Variants in HTR2A observed in about 807,000 individuals in gnomAD.
HTR2A encodes the protein 5-hydroxytryptamine receptor 2A.
A neutral mutation model predicts 31.0 loss-of-function variants in HTR2A; 14 were observed. The ratio of observed to expected loss-of-function variants is 0.45; its 90% CI spans 0.30 to 0.71. The LOEUF (loss-of-function observed/expected upper bound fraction) is 0.71, where lower values mean the gene tolerates loss of function less well. Ranked by LOEUF, HTR2A falls within the 30% of genes least tolerant of loss-of-function variation. The probability of loss-of-function intolerance (pLI) is 0.09; values close to 1 mark genes in which losing one functional copy is unlikely to be tolerated. For missense variants in HTR2A, 442 were observed against 573.3 expected (o/e 0.77, Z 2.34); for synonymous variants, 209 against 225.2 (o/e 0.93, Z 0.64).
intron 2 of HTR2A, among the ~76,000 whole-genome samples, chr13:46,894,117 G>C (rs75028184): frequency 0.04 from 6,088 of 152,338 alleles, 162 homozygotes; most frequent in South Asian, 0.094. Flanking sequence ...GGATAAGGAG[G>C]GGGCATTTCC....
chr13:46,860,803 T>C lies in HTR2A; in HGVS notation c.614-25164A>G, dbSNP rs200508498. Among the ~76,000 whole-genome samples, 20 of 152,324 alleles carry C rather than the reference T, an allele frequency of 1.3e-4. No homozygotes were observed. In the East Asian group the frequency reaches 1.3e-3, roughly 10 times the overall value. On this transcript the variant is annotated intron_variant, in intron 3 of 3. Coordinates refer to ENST00000542664, the MANE Select transcript of HTR2A (RefSeq NM_000621.5). ...AATGAAATTTGATGGGTTACTATTA[T>C]TAAGATTTGCTAATGGTTTTACATT...
At chr13:46,897,580 A>G (rs966266226), upstream of HTR2A, among the ~76,000 whole-genome samples, 2 of 152,172 alleles carry the variant, frequency 1.3e-5, no homozygotes, top group Admixed American at 6.5e-5. Context: ...CGCAGTACCA[A>G]TTTTTTTCCC....
chr13:46,838,711 T>A (rs758999666), intron 3 of HTR2A, among the ~76,000 whole-genome samples: 13 of 152,170 alleles, frequency 8.5e-5, no homozygotes, highest in Admixed American at 5.2e-4. Flanking sequence ...CCTAATGTGA[T>A]GAATTACAGC....
At chr13:46,881,039 G>T (rs1488268681) in intron 3 of HTR2A, among the ~76,000 whole-genome samples, 3 of 152,184 alleles carry the variant, frequency 2.0e-5, no homozygotes, top group Non-Finnish European at 2.9e-5. Flanking sequence ...GCTCTCAGCT[G>T]CCTGGGTCAT....
chr13:46,876,400 ATATATTT>A (rs1463767164), intron 3 of HTR2A, among the ~76,000 whole-genome samples: 6 of 80,638 alleles, frequency 7.4e-5, no homozygotes, highest in East Asian at 5.1e-4. Flanking sequence ...ATATATATAT[ATATATTT>A]TTTTTTTTTT....
Position 46,833,545 on chromosome 13 carries a change from T to G in HTR2A, c.*1292A>C, listed in dbSNP as rs998856562. ...TCAGATAATTTTTTGATTTTTTTTG[T>G]AGAGACAGGGAGGTCTCACTTTGTT... is the stretch of plus-strand genomic sequence containing the variant. On this transcript the variant is annotated 3_prime_UTR_variant, in exon 4 of 4. Coordinates refer to ENST00000542664, the MANE Select transcript of HTR2A (RefSeq NM_000621.5). The G allele has an allele frequency of 2.0e-5, 3 of 151,948 alleles. No individual in the cohort carries two copies. The highest frequency in any genetic ancestry group is 4.4e-5 in the Non-Finnish European group (3 of 67,994). 9.4% of individuals were successfully genotyped at this position (151,948 alleles called of 1,614,324 possible). A position where few individuals can be genotyped will look rare whatever the true frequency, so the allele number is the denominator to read the frequency against.
chr13:46,849,049 C>T (rs1024129301), intron 3 of HTR2A, among the ~76,000 whole-genome samples: 10 of 152,120 alleles, frequency 6.6e-5, no homozygotes, highest in African/African-American at 9.7e-5. Context: ...TGGATGTCTC[C>T]GATGGGCATC....
chr13:46,868,439 A>C (rs997854293), intron 3 of HTR2A, among the ~76,000 whole-genome samples: 1 of 152,266 alleles, frequency 6.6e-6, no homozygotes, highest in Admixed American at 6.5e-5. Context: ...TGAGGGGGTC[A>C]TTCATACGAC....
At chr13:46,879,739 C>G (rs1489369671) in intron 3 of HTR2A, among the ~76,000 whole-genome samples, 2 of 152,200 alleles carry the variant, frequency 1.3e-5, no homozygotes, top group Non-Finnish European at 2.9e-5. Context: ...GGCACAGTGG[C>G]TCATGCCTGT....
rs562354361 is a variant in HTR2A, at chr13:46,886,967, A to T, written c.613+5423T>A. 1.2e-4 allele frequency among the ~76,000 whole-genome samples: 18 copies of T among 152,316 alleles called. No individual in the cohort carries two copies. The East Asian group carries it at 3.5e-3, about 29-fold the overall frequency. On this transcript the variant is annotated intron_variant, in intron 3 of 3. Coordinates refer to ENST00000542664, the MANE Select transcript of HTR2A (RefSeq NM_000621.5). ...GCAAACTAGAAATAGACTGGCTTTT[A>T]TAAGAACCTTGCCTTAAATAAACTC...
rs760249151 is a variant in HTR2A, at chr13:46,895,958, A to G, written c.-52T>C. 6.5e-7 allele frequency: 1 copy of G among 1,549,346 alleles called. No individual in the cohort carries two copies. The highest frequency in any genetic ancestry group is 1.9e-5 in the Admixed American group (1 of 53,232). ...AGGTGTAGAAGGACTAACAGGTTAT[A>G]GTTTCTGCTCACCATTCACCTTGAT... On this transcript the variant is annotated 5_prime_UTR_variant, in exon 2 of 4. Transcript: ENST00000542664. This position sits in a 1 kb window ranked among gnomAD's most constrained non-coding sequence, Gnocchi z 4.4.
chr13:46,896,164 C>CA lies in HTR2A; in HGVS notation c.-259dup. On this transcript the variant is annotated 5_prime_UTR_variant, in exon 2 of 4. An upstream open reading frame in the 5' UTR loses its in-frame stop. Coordinates refer to ENST00000542664, the MANE Select transcript of HTR2A (RefSeq NM_000621.5). ...TATTATTTTCTCACCAAACCGAGGA[C>CA]AAAAAAGCAGAATGAACTTTTAGCA... is the stretch of plus-strand genomic sequence containing the variant. 1 of 1,211,542 alleles carries CA rather than the reference C, an allele frequency of 8.3e-7. No homozygotes were observed. The highest frequency in any genetic ancestry group is 1.0e-6 in the Non-Finnish European group (1 of 975,458). 75.0% of individuals were successfully genotyped at this position (1,211,542 alleles called of 1,614,324 possible).
chr13:46,863,248 C>T (rs903313466), intron 3 of HTR2A, among the ~76,000 whole-genome samples: 2 of 151,980 alleles, frequency 1.3e-5, no homozygotes, highest in Non-Finnish European at 2.9e-5. Flanking sequence ...TAAGAGAATG[C>T]AGTTTGATAG....
chr13:46,837,300 G>T (rs1950569293), intron 3 of HTR2A, among the ~76,000 whole-genome samples: 1 of 152,136 alleles, frequency 6.6e-6, no homozygotes, highest in African/African-American at 2.4e-5. Flanking sequence ...GCCTGGGATG[G>T]TTGGTCCAAG....
chr13:46,881,278 C>T (rs1950960689), intron 3 of HTR2A, among the ~76,000 whole-genome samples: 1 of 152,144 alleles, frequency 6.6e-6, no homozygotes, highest in Non-Finnish European at 1.5e-5. Context: ...CCTGCGGATC[C>T]TTTGTTTCAG....
Position 46,831,549 on chromosome 13 carries a change from A to G in HTR2A, c.*3288T>C, listed in dbSNP as rs2138331783. 1 of 152,332 alleles carries G rather than the reference A, an allele frequency of 6.6e-6. No homozygotes were observed. The highest frequency in any genetic ancestry group is 1.9e-4 in the East Asian group (1 of 5,190). 9.4% of individuals were successfully genotyped at this position (152,332 alleles called of 1,614,324 possible). A position where few individuals can be genotyped will look rare whatever the true frequency, so the allele number is the denominator to read the frequency against. On this transcript the variant is annotated 3_prime_UTR_variant, in exon 4 of 4. Transcript: ENST00000542664. ...CTATGGACTCACACAAAATTCATTC[A>G]TTTTTGAGTCTACTTTATTTACAGT...
At chr13:46,843,081 T>C (rs1325637027) in intron 3 of HTR2A, among the ~76,000 whole-genome samples, 1 of 152,212 alleles carries the variant, frequency 6.6e-6, no homozygotes, top group Non-Finnish European at 1.5e-5. Flanking sequence ...CTGCAGATGC[T>C]CTGTGCCCAT....
chr13:46,874,840 G>A (rs1950894479), intron 3 of HTR2A, among the ~76,000 whole-genome samples: 1 of 152,232 alleles, frequency 6.6e-6, no homozygotes, highest in South Asian at 2.1e-4. Flanking sequence ...AGAAGCCACA[G>A]GTGTGTGGTT....
intron 3 of HTR2A, among the ~76,000 whole-genome samples, chr13:46,877,769 G>T (rs985426234): frequency 6.6e-6 from 1 of 152,106 alleles, no homozygotes; most frequent in Non-Finnish European, 1.5e-5. Flanking sequence ...AGCAGGGCAA[G>T]TACCTCATTT....
Sources: allele counts gnomAD v4.1 joint callset (sites outside exome capture counted in the v4.1 genomes callset), GRCh38; gene constraint gnomAD v4.1.1; non-coding constraint Gnocchi (gnomAD v3.1); transcripts MANE v1.5; gene names NCBI Gene and HGNC (gene_info 2026-07-23, HGNC 2026-07-21).